TFDP2: variants seen among roughly 807,000 people sequenced by gnomAD.
TFDP2 encodes the protein transcription factor Dp-2, also known as transcription factor Dp-2 (E2F dimerization partner 2).
A neutral mutation model predicts 59.3 loss-of-function variants in TFDP2; 17 were observed. The observed-to-expected ratio is 0.29, with a 90% CI of 0.20 to 0.43. The LOEUF (loss-of-function observed/expected upper bound fraction) is 0.43. Among genes scored for constraint, TFDP2 ranks in the 20% least tolerant of loss-of-function variants. The pLI is 1.00. For missense variants in TFDP2, 391 were observed against 528.8 expected (o/e 0.74, Z 2.56); for synonymous variants, 180 against 194.7 (o/e 0.92, Z 0.63).
chr3:141,990,120 C>G (rs1942594495), intron 6 of TFDP2, among the ~76,000 whole-genome samples: 1 of 152,060 alleles, frequency 6.6e-6, no homozygotes, highest in African/African-American at 2.4e-5. Flanking sequence ...TCTTGAACTC[C>G]TGACCTCAAG....
intron 3 of TFDP2, among the ~76,000 whole-genome samples, chr3:142,028,856 G>C (rs1946282752): frequency 6.6e-6 from 1 of 152,084 alleles, no homozygotes; most frequent in Non-Finnish European, 1.5e-5. Flanking sequence ...GTAGAACCTT[G>C]TTTTCTTATT....
At chr3:142,123,884 T>C (rs2062141345) in intron 1 of TFDP2, among the ~76,000 whole-genome samples, 1 of 152,110 alleles carries the variant, frequency 6.6e-6, no homozygotes, top group Non-Finnish European at 1.5e-5. Context: ...TTACATATGA[T>C]TACAACTGTT....
At chr3:141,996,689 G>A (rs886154016) in intron 4 of TFDP2, among the ~76,000 whole-genome samples, 1 of 152,116 alleles carries the variant, frequency 6.6e-6, no homozygotes, top group Non-Finnish European at 1.5e-5. Flanking sequence ...AATAACCTCT[G>A]AAGCATAAAA....
chr3:142,052,963 C>T (rs943390891), intron 3 of TFDP2, among the ~76,000 whole-genome samples: 23 of 152,026 alleles, frequency 1.5e-4, no homozygotes, highest in African/African-American at 5.6e-4. Context: ...GCACCTGCCA[C>T]TACGCCCGGC....
chr3:142,084,327 C>T (rs1343663192), intron 3 of TFDP2, among the ~76,000 whole-genome samples: 2 of 152,070 alleles, frequency 1.3e-5, no homozygotes, highest in East Asian at 1.9e-4. Flanking sequence ...CAGGGAATAA[C>T]AAATGTTGGT....
chr3:142,120,374 A>G (rs2062008304), intron 1 of TFDP2, among the ~76,000 whole-genome samples: 1 of 152,216 alleles, frequency 6.6e-6, no homozygotes, highest in African/African-American at 2.4e-5. Context: ...AAAAAAGAAA[A>G]AAAGAAAGAA....
intron 3 of TFDP2, among the ~76,000 whole-genome samples, chr3:142,074,538 C>T (rs890629567): frequency 8.6e-5 from 13 of 151,366 alleles, no homozygotes; most frequent in African/African-American, 3.2e-4. Context: ...TAGAGCAAGA[C>T]CCCATCTCTA....
At chr3:142,081,990 C>T (rs576098689) in intron 3 of TFDP2, among the ~76,000 whole-genome samples, 2 of 152,288 alleles carry the variant, frequency 1.3e-5, no homozygotes, top group African/African-American at 2.4e-5. Context: ...GGTACTGGTC[C>T]GTGGCCTGTT....
chr3:142,102,604 T>C (rs1365660839), intron 1 of TFDP2, among the ~76,000 whole-genome samples: 3 of 152,174 alleles, frequency 2.0e-5, no homozygotes, highest in Admixed American at 2.0e-4. Flanking sequence ...AAATAGGATA[T>C]TTCCATAGCG....
At position 141,969,590 on chromosome 3, in the gene TFDP2, GA is replaced by G. The variant is rs1939397558; in HGVS notation, c.732+482del. ...TCGCACCACTGCACTCCAGCCTGGC[GA>G]AAGAGTGAGACTCAGTCTCAAAAAA... On this transcript the variant is annotated intron_variant, in intron 9 of 12. Transcript: ENST00000489671. Among the ~76,000 whole-genome samples, 5 of 151,996 alleles carry G rather than the reference GA, an allele frequency of 3.3e-5. No individual in the cohort carries two copies. In the South Asian group the frequency reaches 1.0e-3, roughly 31 times the overall value.
chr3:142,071,081 T>C (rs997076238), intron 3 of TFDP2, among the ~76,000 whole-genome samples: 11 of 151,680 alleles, frequency 7.3e-5, no homozygotes, highest in African/African-American at 2.7e-4. Flanking sequence ...AACAGGGAAC[T>C]AAAAGCAGTT....
At chr3:142,046,547 AAG>A (rs751100429) in intron 3 of TFDP2, among the ~76,000 whole-genome samples, 4 of 149,234 alleles carry the variant, frequency 2.7e-5, no homozygotes, top group Non-Finnish European at 5.9e-5. Flanking sequence ...GAGGGAGAAA[AAG>A]AGCCCTGGAT....
intron 1 of TFDP2, among the ~76,000 whole-genome samples, chr3:142,148,720 A>G (rs922121636): frequency 6.6e-6 from 1 of 152,228 alleles, no homozygotes; most frequent in Non-Finnish European, 1.5e-5. Flanking sequence ...GCGATCCTCT[A>G]CTTCAGAGAA....
intron 1 of TFDP2, among the ~76,000 whole-genome samples, chr3:142,137,707 C>G (rs1256974111): frequency 2.6e-5 from 4 of 152,122 alleles, no homozygotes; most frequent in Non-Finnish European, 5.9e-5. Flanking sequence ...GTTGAACCAG[C>G]CTTGCATCCT....
At chr3:142,145,917 T>G (rs1046851214) in intron 1 of TFDP2, among the ~76,000 whole-genome samples, 2 of 152,164 alleles carry the variant, frequency 1.3e-5, no homozygotes, top group Non-Finnish European at 2.9e-5. Flanking sequence ...TGGAAACATA[T>G]GAGGTAGATG....
chr3:142,129,783 T>A (rs1042750787), intron 1 of TFDP2, among the ~76,000 whole-genome samples: 2 of 151,758 alleles, frequency 1.3e-5, no homozygotes, highest in Non-Finnish European at 2.9e-5. Context: ...TACAAAAAAA[T>A]TAAAACTAGG....
chr3:142,027,382 G>A (rs1325810911), intron 3 of TFDP2, among the ~76,000 whole-genome samples: 2 of 151,790 alleles, frequency 1.3e-5, no homozygotes. Flanking sequence ...TCTGAGTTTT[G>A]AATGAAACAA....
intron 3 of TFDP2, chr3:142,028,544 C>G: frequency 1.0e-6 from 1 of 985,080 alleles, no homozygotes; most frequent in Non-Finnish European, 1.2e-6. Context: ...TGTAAAAACT[C>G]ACCCAGCAGT....
At chr3:142,138,664 CG>C in intron 1 of TFDP2, among the ~76,000 whole-genome samples, 1 of 152,152 alleles carries the variant, frequency 6.6e-6, no homozygotes, top group Admixed American at 6.5e-5. Flanking sequence ...TCAGTTTCCA[CG>C]TAATTGTGAG....
Sources: allele counts gnomAD v4.1 joint callset (sites outside exome capture counted in the v4.1 genomes callset), GRCh38; gene constraint gnomAD v4.1.1; transcripts MANE v1.5; gene names NCBI Gene and HGNC (gene_info 2026-07-23, HGNC 2026-07-21).